The following CC2D2B variants were observed in gnomAD, a reference collection of about 807,000 sequenced individuals.
The protein encoded by CC2D2B is coiled-coil and C2 domain containing 2B, also known as protein CC2D2B.
A neutral mutation model predicts 161.2 loss-of-function variants in CC2D2B; 128 were observed. The observed-to-expected ratio is 0.79, with a 90% CI of 0.69 to 0.92. CC2D2B has a LOEUF of 0.92. CC2D2B is among the 40% of genes least tolerant of loss of function. The pLI, the probability that CC2D2B is intolerant of heterozygous loss-of-function variation, is 0.00. For missense variants in CC2D2B, 1,173 were observed against 1,375.1 expected (o/e 0.85, Z 2.32); for synonymous variants, 391 against 449.8 (o/e 0.87, Z 1.65).
chr10:95,928,385 C>A (rs760436423), intron 6 of CC2D2B, among the ~76,000 whole-genome samples: 7 of 152,080 alleles, frequency 4.6e-5, no homozygotes, highest in Non-Finnish European at 1.0e-4. Flanking sequence ...TTTCTCTATG[C>A]TTAGCCCTGT....
At chr10:95,927,174 T>C in intron 5 of CC2D2B, 63 bp from the exon 6 acceptor site, 1 of 902,426 alleles carries the variant, frequency 1.1e-6, no homozygotes. Context: ...TACAGAAAAC[T>C]ATTTCCTTTA....
At position 95,922,396 on chromosome 10, in the gene CC2D2B, A is replaced by G. The variant is rs561502111; in HGVS notation, c.97+320A>G. ...CTTCAAATCTCAGGGAGGAAAATAC[A>G]TAAATAATGGTTGAGCTCTGGTTCA... On this transcript the variant is annotated intron_variant, in intron 3 of 34. Coordinates refer to ENST00000646931, the MANE Select transcript of CC2D2B (RefSeq NM_001349008.3). 2.6e-5 allele frequency among the ~76,000 whole-genome samples: 4 copies of G among 152,352 alleles called. No individual in the cohort carries two copies. The East Asian group carries it at 7.7e-4, about 29-fold the overall frequency.
chr10:95,977,082 AC>A (rs2077345406), intron 17 of CC2D2B, among the ~76,000 whole-genome samples: 1 of 138,800 alleles, frequency 7.2e-6, no homozygotes, highest in African/African-American at 2.7e-5. Context: ...CATTAAACAC[AC>A]CTCTCCAGCT....
chr10:96,032,006 T>C lies in CC2D2B; in HGVS notation c.4312T>C (p.Ter1438ArgextTer7), dbSNP rs1255918704. 6.2e-7 allele frequency: 1 copy of C among 1,610,700 alleles called. No homozygotes were observed. ...VYLASLVQHQ[*>R] The stretch of plus-strand genomic sequence containing the variant: ...TTTGGCTTCCTTAGTTCAACATCAA[T>C]GAAAAGGAAGCAGAGCAAAGTAAAA... The change falls in exon 35 of 35, where the codon TGA (stop) becomes CGA (arginine). Residue 1438 changes from the stop codon to arginine, a stop_lost. Coordinates refer to ENST00000646931, the MANE Select transcript of CC2D2B (RefSeq NM_001349008.3).
At chr10:96,018,082 T>C (rs559390535) in intron 30 of CC2D2B, among the ~76,000 whole-genome samples, 1 of 152,302 alleles carries the variant, frequency 6.6e-6, no homozygotes, top group East Asian at 1.9e-4. Flanking sequence ...TGATTCTTTA[T>C]ATGAAAGATG....
chr10:95,987,351 T>C (rs117018060), intron 19 of CC2D2B, among the ~76,000 whole-genome samples: 2,320 of 152,198 alleles, frequency 0.015, 33 homozygotes, highest in South Asian at 0.038. Flanking sequence ...TAACGTGATA[T>C]GAAATGGCAA....
intron 14 of CC2D2B, 91 bp downstream of exon 14, chr10:95,966,393 C>T (rs1413808230): frequency 4.6e-6 from 2 of 430,432 alleles, no homozygotes; most frequent in African/African-American, 4.1e-5. Flanking sequence ...TGGGTGAGTA[C>T]CATATGCCAG....
In CC2D2B at chr10:96,019,448, G is replaced by A. The variant is rs904140889; in HGVS notation, c.3765+111G>A. On this transcript the variant is annotated intron_variant, in intron 31 of 34. Transcript: ENST00000646931. ...TATAGATAGTCTATCAGATTCCCTAGGGCATGGGGCCGGGGCAATCTTTTA... is the reference window on the plus strand; with the variant it reads ...TATAGATAGTCTATCAGATTCCCTAAGGCATGGGGCCGGGGCAATCTTTTA... The A allele has an allele frequency of 2.9e-5, 33 of 1,129,144 alleles. No individual in the cohort carries two copies. The South Asian group carries it at 4.7e-4, about 16-fold the overall frequency. The allele number at this position is 1,129,144 out of a possible 1,614,324, so 69.9% of individuals were successfully genotyped here. A position where few individuals can be genotyped will look rare whatever the true frequency, so the allele number is the denominator to read the frequency against.
intron 5 of CC2D2B, among the ~76,000 whole-genome samples, chr10:95,926,316 T>C (rs1000254780): frequency 4.6e-5 from 7 of 152,092 alleles, no homozygotes; most frequent in Non-Finnish European, 8.8e-5. Flanking sequence ...GTATATTTGC[T>C]CAGGAAGCAG....
At chr10:95,948,097 T>A (rs1403523783) in intron 9 of CC2D2B, among the ~76,000 whole-genome samples, 1 of 152,096 alleles carries the variant, frequency 6.6e-6, no homozygotes, top group African/African-American at 2.4e-5. Flanking sequence ...CACACAATAC[T>A]GAGATAGATT....
chr10:95,947,109 ATATATT>A lies in CC2D2B; in HGVS notation c.802-2785_802-2780del, dbSNP rs1346573981. 8.4e-3 allele frequency among the ~76,000 whole-genome samples: 335 copies of A among 39,992 alleles called. 3 individuals carry two copies. In the East Asian group the frequency reaches 0.11, roughly 13 times the overall value. 26.2% of individuals were successfully genotyped at this position (39,992 alleles called of 152,430 possible). On this transcript the variant is annotated intron_variant, in intron 9 of 34. Coordinates refer to ENST00000646931, the MANE Select transcript of CC2D2B (RefSeq NM_001349008.3). ...TATATATATATATATATATATATAT[ATATATT>A]TTTTTTTTTTTTTTTGAGACAAAGT...
chr10:95,941,525 C>A (rs1403435962), intron 9 of CC2D2B, among the ~76,000 whole-genome samples: 2 of 152,036 alleles, frequency 1.3e-5, no homozygotes, highest in Non-Finnish European at 2.9e-5. Flanking sequence ...AAGACTTGAA[C>A]AGACATTTCT....
At chr10:95,984,862 C>T (rs373542297) in intron 19 of CC2D2B, among the ~76,000 whole-genome samples, 2 of 151,564 alleles carry the variant, frequency 1.3e-5, no homozygotes, top group Admixed American at 6.6e-5. Context: ...AGAGTGAGAC[C>T]CTGTCTTTAA....
chr10:95,957,136 C>T (rs970710198), intron 11 of CC2D2B, among the ~76,000 whole-genome samples: 1 of 152,078 alleles, frequency 6.6e-6, no homozygotes, highest in African/African-American at 2.4e-5. Flanking sequence ...TGTACCTGTT[C>T]CTGGAGTAAT....
At chr10:95,941,349 A>C (rs1243019740) in intron 9 of CC2D2B, among the ~76,000 whole-genome samples, 2 of 152,214 alleles carry the variant, frequency 1.3e-5, no homozygotes, top group African/African-American at 4.8e-5. Context: ...GTGAGACTAC[A>C]ACAAACTAAA....
chr10:95,926,848 C>CTGTGTCTGTGTGTGTG (rs2098540000), intron 5 of CC2D2B, among the ~76,000 whole-genome samples: 1 of 106,902 alleles, frequency 9.4e-6, no homozygotes, highest in Admixed American at 9.0e-5. Flanking sequence ...GTGTGTGTGT[C>CTGTGTCTGTGTGTGTG]TGTGTGTGTG....
Position 95,992,608 on chromosome 10 carries a change from A to G in CC2D2B, c.2553A>G (p.Thr851=), listed in dbSNP as rs978787012. The change falls in exon 22 of 35, where the codon ACA becomes ACG. Residue 851 remains threonine (T), a synonymous_variant. Coordinates refer to ENST00000646931, the MANE Select transcript of CC2D2B (RefSeq NM_001349008.3). ...KPQRKERKKV[T]AQAISDGDIK... is the part of the protein sequence containing the mutation. Reference sequence around the variant, plus strand: ...AGAGGAAAGAAAGGAAAAAAGTCACAGCGCAGGCGATCTCTGACGGAGATA... The same window carrying G: ...AGAGGAAAGAAAGGAAAAAAGTCACGGCGCAGGCGATCTCTGACGGAGATA... 11 of 1,234,336 alleles carry G rather than the reference A, an allele frequency of 8.9e-6. No individual in the cohort carries two copies. Among genetic ancestry groups the G allele is most frequent in the Non-Finnish European group, 1.1e-5 (11 of 988,096 alleles). 76.5% of individuals were successfully genotyped at this position (1,234,336 alleles called of 1,614,324 possible). A position where few individuals can be genotyped will look rare whatever the true frequency, so the allele number is the denominator to read the frequency against.
At chr10:96,027,166 A>C (rs952189653) in intron 33 of CC2D2B, 46 bp from the exon 34 acceptor site, 3 of 1,313,600 alleles carry the variant, frequency 2.3e-6, no homozygotes, top group African/African-American at 1.5e-5. Flanking sequence ...TATTTACCAA[A>C]TGAGTTATAA....
chr10:95,921,831 A>C (rs1274908376), intron 2 of CC2D2B, among the ~76,000 whole-genome samples, 185 bp from the exon 3 acceptor site: 1 of 152,096 alleles, frequency 6.6e-6, no homozygotes, highest in Non-Finnish European at 1.5e-5. Flanking sequence ...TAGCATTAGG[A>C]GATATACCTA....
Sources: allele counts gnomAD v4.1 joint callset (sites outside exome capture counted in the v4.1 genomes callset), GRCh38; gene constraint gnomAD v4.1.1; transcripts MANE v1.5; gene names NCBI Gene and HGNC (gene_info 2026-07-23, HGNC 2026-07-21).